Variants in PRKD1 observed in about 807,000 individuals in gnomAD.
PRKD1 encodes serine/threonine-protein kinase D1.
PRKD1 carries 63 observed loss-of-function variants against 95.9 expected under a neutral mutation model. That is an observed-to-expected ratio of 0.66 (90% confidence interval 0.54 to 0.81). The LOEUF (loss-of-function observed/expected upper bound fraction) is 0.81. PRKD1 is among the 30% of genes least tolerant of loss of function. The pLI is 0.00. For missense variants in PRKD1, 1,048 were observed against 1,165.3 expected (o/e 0.90, Z 1.47); for synonymous variants, 425 against 423.1 (o/e 1.00, Z -0.05).
intron 13 of PRKD1, among the ~76,000 whole-genome samples, chr14:29,604,763 C>A (rs1372990874): frequency 4.6e-5 from 7 of 152,100 alleles, no homozygotes; most frequent in Non-Finnish European, 1.0e-4. Flanking sequence ...AATAAAAAGT[C>A]ATCTTGCAGA....
At chr14:29,876,643 A>C (rs2139387239) in intron 1 of PRKD1, among the ~76,000 whole-genome samples, 1 of 152,204 alleles carries the variant, frequency 6.6e-6, no homozygotes, top group African/African-American at 2.4e-5. Context: ...GCAAAAAAAA[A>C]AGCCAATTTC....
chr14:29,909,063 G>A (rs1287113073), intron 1 of PRKD1, among the ~76,000 whole-genome samples: 2 of 152,174 alleles, frequency 1.3e-5, no homozygotes, highest in East Asian at 1.9e-4. Context: ...CCGGGTGGGC[G>A]TGGGCTTGGC....
intron 1 of PRKD1, among the ~76,000 whole-genome samples, chr14:29,733,488 T>C (rs1274212189): frequency 1.3e-5 from 2 of 152,166 alleles, no homozygotes; most frequent in Non-Finnish European, 1.5e-5. Context: ...AAGAAATACC[T>C]GAGGCTGGTT....
At chr14:29,897,391 T>A (rs1210969029) in intron 1 of PRKD1, among the ~76,000 whole-genome samples, 1 of 152,184 alleles carries the variant, frequency 6.6e-6, no homozygotes, top group Non-Finnish European at 1.5e-5. Context: ...AATAATCAGA[T>A]ATTCCTGCAC....
intron 1 of PRKD1, among the ~76,000 whole-genome samples, chr14:29,865,536 A>G (rs1892865328): frequency 6.6e-6 from 1 of 152,176 alleles, no homozygotes; most frequent in Admixed American, 6.5e-5. Flanking sequence ...ATAAAAAGCA[A>G]GTTTGGCCCC....
At chr14:29,609,838 C>A (rs1297378114) in intron 13 of PRKD1, among the ~76,000 whole-genome samples, 1 of 151,376 alleles carries the variant, frequency 6.6e-6, no homozygotes, top group African/African-American at 2.4e-5. Flanking sequence ...AAATTACAGG[C>A]ATAAGCCACC....
chr14:29,744,550 T>TA (rs769299760), intron 1 of PRKD1, among the ~76,000 whole-genome samples: 59 of 152,122 alleles, frequency 3.9e-4, no homozygotes, highest in Admixed American at 1.0e-3. Flanking sequence ...TTCTTTTTAT[T>TA]AAAAAAACAA....
chr14:29,638,058 C>T (rs1184483517), intron 6 of PRKD1, among the ~76,000 whole-genome samples: 1 of 152,034 alleles, frequency 6.6e-6, no homozygotes, highest in African/African-American at 2.4e-5. Context: ...GGAATATTGC[C>T]AAATACAGAA....
intron 1 of PRKD1, among the ~76,000 whole-genome samples, chr14:29,828,423 G>C (rs1020448692): frequency 6.6e-6 from 1 of 151,930 alleles, no homozygotes; most frequent in African/African-American, 2.4e-5. Context: ...AATTCACAAG[G>C]GATTCCCCAC....
rs1418111788 is a variant in PRKD1 at position 29,577,300 on chromosome 14, C to T, written c.2677G>A (p.Asp893Asn). The T allele has an allele frequency of 1.9e-6, 3 of 1,613,714 alleles. No individual in the cohort carries two copies. The Admixed American group carries it at 5.0e-5, about 27-fold the overall frequency. Residue 893 changes from aspartate to asparagine, a missense_variant, in exon 18 of 18, where the codon GAC becomes AAC. Around this residue, in one of 3 missense-constraint regions of PRKD1, gnomAD observed 739 missense variants for 861.9 expected, o/e 0.86. Coordinates refer to ENST00000331968, the MANE Select transcript of PRKD1 (RefSeq NM_002742.3). ...HLINPSASHS[D>N]TPETEETEMK... ...TCTGTTTCTTCAGTCTCAGGAGTGT[C>T]ACTGTGGCTAGCACTTGGATTGATC...
At chr14:29,825,879 C>A (rs980928047) in intron 1 of PRKD1, among the ~76,000 whole-genome samples, 1 of 152,078 alleles carries the variant, frequency 6.6e-6, no homozygotes, top group Admixed American at 6.6e-5. Context: ...TATTTTTCCC[C>A]CACCAAAACA....
intron 4 of PRKD1, among the ~76,000 whole-genome samples, chr14:29,654,460 C>A (rs1881718687): frequency 6.6e-6 from 1 of 152,118 alleles, no homozygotes; most frequent in Non-Finnish European, 1.5e-5. Flanking sequence ...AGGTGTGAGC[C>A]ACTGTGCTTG....
chr14:29,587,266 G>C (rs1364396515), intron 16 of PRKD1, among the ~76,000 whole-genome samples: 1 of 152,118 alleles, frequency 6.6e-6, no homozygotes, highest in African/African-American at 2.4e-5. Context: ...TAATATTCTA[G>C]ATAATTACTC....
intron 13 of PRKD1, among the ~76,000 whole-genome samples, chr14:29,623,567 C>CA (rs1352139052): frequency 6.6e-6 from 1 of 151,834 alleles, no homozygotes; most frequent in East Asian, 1.9e-4. Context: ...CTTTGGTCTG[C>CA]AAAAAAATTT....
chr14:29,632,813 T>C, intron 9 of PRKD1, 56 bp downstream of exon 9: 1 of 1,469,878 alleles, frequency 6.8e-7, no homozygotes, highest in Non-Finnish European at 9.5e-7. Context: ...ATACTCTACA[T>C]TCCCATGAAA....
In PRKD1 at chr14:29,630,763, C is replaced by T. The variant is rs375956203; in HGVS notation, c.1651G>A (p.Gly551Ser). 8 of 1,613,850 alleles carry T rather than the reference C, an allele frequency of 5.0e-6. No homozygotes were observed. Among genetic ancestry groups the T allele is most frequent in the East Asian group, 2.2e-5 (1 of 44,860 alleles). ...MPVIPKGSSV[G>S]TGTNLHRDIS... Reference sequence around the variant, plus strand: ...TCACTGTGCAAGTTGGTTCCTGTACCCACGGAGGAGCCCTTGGGAATGACG... The same window carrying T: ...TCACTGTGCAAGTTGGTTCCTGTACTCACGGAGGAGCCCTTGGGAATGACG... Residue 551 changes from glycine (G) to serine (S), a missense_variant, in exon 10 of 18, where the codon GGT (glycine) becomes AGT (serine). Coordinates refer to ENST00000331968, the MANE Select transcript of PRKD1 (RefSeq NM_002742.3).
chr14:29,693,995 C>A (rs1047933217), intron 2 of PRKD1, among the ~76,000 whole-genome samples: 1 of 152,110 alleles, frequency 6.6e-6, no homozygotes, highest in African/African-American at 2.4e-5. Flanking sequence ...TTTAATAAAT[C>A]TTTCAAATAT....
chr14:29,788,879 T>TTTTA (rs200005782), intron 1 of PRKD1, among the ~76,000 whole-genome samples: 2,423 of 151,856 alleles, frequency 0.016, 82 homozygotes, highest in East Asian at 0.094. Context: ...CTTTGTTTTC[T>TTTTA]TTTATTTATT....
intron 1 of PRKD1, among the ~76,000 whole-genome samples, chr14:29,892,648 A>C (rs955910358): frequency 6.6e-6 from 1 of 152,214 alleles, no homozygotes; most frequent in African/African-American, 2.4e-5. Context: ...TTTCAGGTAC[A>C]CACTGGCTTC....
Sources: allele counts gnomAD v4.1 joint callset (sites outside exome capture counted in the v4.1 genomes callset), GRCh38; gene constraint gnomAD v4.1.1; regional missense constraint gnomAD v4.1.1; transcripts MANE v1.5; gene names NCBI Gene and HGNC (gene_info 2026-07-23, HGNC 2026-07-21).